KIAA1217: variants seen among roughly 807,000 people sequenced by gnomAD.
The protein encoded by KIAA1217 is KIAA1217.
In KIAA1217, 88 loss-of-function variants were observed where a neutral mutation model predicts 163.9. The observed-to-expected ratio is 0.54, with a 90% confidence interval of 0.45 to 0.64. KIAA1217 has a LOEUF of 0.64. Ranked by LOEUF, KIAA1217 falls within the 30% of genes least tolerant of loss-of-function variation. KIAA1217 has a pLI of 0.00. For missense variants in KIAA1217, 2,372 were observed against 2,475.0 expected (o/e 0.96, Z 0.88); for synonymous variants, 903 against 923.1 (o/e 0.98, Z 0.39).
At chr10:24,489,799 G>A (rs2065878205) in intron 6 of KIAA1217, among the ~76,000 whole-genome samples, 1 of 146,892 alleles carries the variant, frequency 6.8e-6, no homozygotes, top group East Asian at 2.0e-4. Flanking sequence ...GGTGAGTTGA[G>A]GCTGCAGTGA....
At chr10:24,158,629 A>G (rs1419203822) in intron 2 of KIAA1217, 2 of 509,924 alleles carry the variant, frequency 3.9e-6, no homozygotes, top group South Asian at 1.5e-5. Flanking sequence ...TACACCACCA[A>G]TCAAAACTTT....
chr10:23,971,223 C>T (rs1845304064), intron 1 of KIAA1217, among the ~76,000 whole-genome samples: 1 of 152,180 alleles, frequency 6.6e-6, no homozygotes, highest in Non-Finnish European at 1.5e-5. Flanking sequence ...GGCGCTCTTC[C>T]CTTACCAGTT....
rs773176619 is a variant in KIAA1217 at position 24,436,008 on chromosome 10, G to C, written c.753-2378G>C. Among the ~76,000 whole-genome samples the C allele has an allele frequency of 1.1e-3, 166 of 151,888 alleles. 2 individuals carry two copies. Among genetic ancestry groups the C allele is most frequent in the Non-Finnish European group, 2.1e-3 (141 of 67,944 alleles). On this transcript the variant is annotated intron_variant, in intron 4 of 20. Coordinates refer to ENST00000376454, the MANE Select transcript of KIAA1217 (RefSeq NM_019590.5). ...CCCGAGTAGCTGGGACTACAGGTGT[G>C]CGCCACCACGCCAGGCTAATTTTTG...
intron 2 of KIAA1217, among the ~76,000 whole-genome samples, chr10:24,340,115 C>G (rs938464422): frequency 6.6e-6 from 1 of 152,178 alleles, no homozygotes; most frequent in African/African-American, 2.4e-5. Context: ...AGGAGAATGG[C>G]TAGACTGACA....
intron 3 of KIAA1217, among the ~76,000 whole-genome samples, chr10:24,413,289 G>A (rs1591725534): frequency 1.3e-5 from 2 of 152,250 alleles, no homozygotes; most frequent in Non-Finnish European, 1.5e-5. Flanking sequence ...GGGTTTAAGT[G>A]ATTCTCCTGT....
chr10:23,987,784 C>G (rs1210509965), intron 1 of KIAA1217, among the ~76,000 whole-genome samples: 2 of 152,124 alleles, frequency 1.3e-5, no homozygotes, highest in African/African-American at 2.4e-5. Flanking sequence ...TGACCAACAT[C>G]TTCCCAGCTC....
chr10:23,818,070 T>TACACAC (rs376425958), intron 1 of KIAA1217, among the ~76,000 whole-genome samples: 9 of 124,240 alleles, frequency 7.2e-5, no homozygotes, highest in African/African-American at 3.0e-4. Flanking sequence ...CATATATATA[T>TACACAC]ACACACACAC....
chr10:23,711,177 T>C (rs1837229902), intron 1 of KIAA1217, among the ~76,000 whole-genome samples: 1 of 152,140 alleles, frequency 6.6e-6, no homozygotes, highest in Non-Finnish European at 1.5e-5. Flanking sequence ...AAGAAGACAT[T>C]ATAGGTGGAA....
intron 1 of KIAA1217, among the ~76,000 whole-genome samples, chr10:23,948,854 A>G (rs191093720): frequency 2.3e-4 from 35 of 152,288 alleles, no homozygotes; most frequent in African/African-American, 8.2e-4. Flanking sequence ...AACCAGGTTT[A>G]ATTTCAGCTT....
Position 23,953,065 on chromosome 10 carries a change from C to A in KIAA1217, c.-320-54160C>A, listed in dbSNP as rs1330446630. Among the ~76,000 whole-genome samples the A allele has an allele frequency of 3.3e-5, 5 of 152,186 alleles. No individual in the cohort carries two copies. In the East Asian group the frequency reaches 9.6e-4, roughly 29 times the overall value. ...AAGACAGTTGAGAACTTCTAGAATT[C>A]TGATCAGTGATATCTTACATATTTT... On this transcript the variant is annotated intron_variant, in intron 1 of 18. Transcript: ENST00000376462.
At chr10:23,991,300 C>G (rs1164099296) in intron 1 of KIAA1217, among the ~76,000 whole-genome samples, 1 of 152,162 alleles carries the variant, frequency 6.6e-6, no homozygotes, top group Non-Finnish European at 1.5e-5. Flanking sequence ...CATTTTCTTG[C>G]CATCCTGTTT....
At chr10:24,481,821 G>A (rs2064747948) in intron 6 of KIAA1217, 1 of 152,134 alleles carries the variant, frequency 6.6e-6, no homozygotes, top group Admixed American at 6.5e-5. Flanking sequence ...GCCTTCTTGA[G>A]AACATTGAGA....
At chr10:23,933,659 T>G (rs1843348276) in intron 1 of KIAA1217, among the ~76,000 whole-genome samples, 1 of 151,928 alleles carries the variant, frequency 6.6e-6, no homozygotes, top group South Asian at 2.1e-4. Context: ...AAAGGTCTAA[T>G]ATCCAGAATT....
rs562560522 is a variant in KIAA1217, at chr10:24,197,500, T to C, written c.-170-22126T>C. On this transcript the variant is annotated intron_variant, in intron 2 of 18. Coordinates refer to the KIAA1217 transcript ENST00000376462. ...GGGTTGGGCCTATTTGTGGTAGCAC[T>C]GACCAAAGTCAATCAGGGAAAAGAA... Among the ~76,000 whole-genome samples, 3 of 152,378 alleles carry C rather than the reference T, an allele frequency of 2.0e-5. No homozygotes were observed. In the East Asian group the frequency reaches 5.8e-4, roughly 29 times the overall value.
intron 1 of KIAA1217, among the ~76,000 whole-genome samples, chr10:23,897,559 A>G (rs1301494066): frequency 6.6e-6 from 1 of 152,048 alleles, no homozygotes; most frequent in Non-Finnish European, 1.5e-5. Context: ...TTGACCTGCT[A>G]TGGAGCCAGG....
chr10:23,907,806 A>T (rs905160987), intron 1 of KIAA1217, among the ~76,000 whole-genome samples: 2 of 152,150 alleles, frequency 1.3e-5, no homozygotes, highest in African/African-American at 4.8e-5. Context: ...TCAAGTTTAC[A>T]TAAAATTGAC....
chr10:24,043,552 A>T (rs1006823610), intron 2 of KIAA1217, among the ~76,000 whole-genome samples: 2 of 152,186 alleles, frequency 1.3e-5, no homozygotes, highest in Admixed American at 1.3e-4. Context: ...TAAAAAACAG[A>T]GACCAAAATG....
chr10:23,973,263 T>C (rs1845398090), intron 1 of KIAA1217, among the ~76,000 whole-genome samples: 1 of 152,238 alleles, frequency 6.6e-6, no homozygotes, highest in Non-Finnish European at 1.5e-5. Context: ...AAGAGAATTA[T>C]TGAAGAATTT....
chr10:24,236,759 C>G (rs1223411211), intron 2 of KIAA1217, among the ~76,000 whole-genome samples: 1 of 151,798 alleles, frequency 6.6e-6, no homozygotes, highest in Non-Finnish European at 1.5e-5. Context: ...TCAGGCGTTC[C>G]TCTCACCTCA....
Sources: gnomAD v4.1 joint callset for allele counts (sites outside exome capture counted in the v4.1 genomes callset) on GRCh38, gnomAD v4.1.1 for gene constraint, MANE v1.5 for transcripts, NCBI Gene and HGNC (gene_info 2026-07-23, HGNC 2026-07-21) for gene names.